The following CCSER1 variants were observed in gnomAD, a reference collection of about 807,000 sequenced individuals.
CCSER1 encodes the protein serine-rich coiled-coil domain-containing protein 1.
CCSER1 carries 41 observed loss-of-function variants against 82.0 expected under a neutral mutation model. That is an observed-to-expected ratio of 0.50 (90% confidence interval 0.39 to 0.65). The LOEUF (loss-of-function observed/expected upper bound fraction) is 0.65. Among genes scored for constraint, CCSER1 ranks in the 30% least tolerant of loss-of-function variants. The pLI is 0.00. For missense variants in CCSER1, 1,119 were observed against 1,064.2 expected, an observed-to-expected ratio of 1.05 and a Z score of -0.72; for synonymous variants, 414 against 383.9, an observed-to-expected ratio of 1.08 and a Z score of -0.92.
At chr4:90,302,702 C>A (rs2153474805) in intron 1 of CCSER1, among the ~76,000 whole-genome samples, 1 of 152,180 alleles carries the variant, frequency 6.6e-6, no homozygotes, top group East Asian at 1.9e-4. Context: ...ACTTGGGAGG[C>A]TGAGGTAGAA....
intron 8 of CCSER1, among the ~76,000 whole-genome samples, chr4:90,913,807 C>T (rs529023145): frequency 8.3e-6 from 1 of 120,408 alleles, no homozygotes; most frequent in Admixed American, 7.9e-5. Context: ...AGCTACCAAG[C>T]AAATGGAAAA....
chr4:91,488,640 C>T (rs1758347224), intron 10 of CCSER1, among the ~76,000 whole-genome samples: 1 of 152,194 alleles, frequency 6.6e-6, no homozygotes, highest in South Asian at 2.1e-4. Context: ...TCCTCCTGCT[C>T]CAGCCATGCA....
At chr4:91,261,234 T>C (rs1741107932) in intron 10 of CCSER1, among the ~76,000 whole-genome samples, 1 of 152,194 alleles carries the variant, frequency 6.6e-6, no homozygotes, top group Non-Finnish European at 1.5e-5. Flanking sequence ...TCCTTACCAT[T>C]AGTGCTTGTA....
chr4:91,223,112 T>A (rs1441523738), intron 10 of CCSER1, among the ~76,000 whole-genome samples: 1 of 152,098 alleles, frequency 6.6e-6, no homozygotes, highest in Non-Finnish European at 1.5e-5. Context: ...ATTCAAATTA[T>A]GCCTTCAGTC....
chr4:90,723,287 A>T (rs1400235869), intron 6 of CCSER1, among the ~76,000 whole-genome samples: 1 of 152,012 alleles, frequency 6.6e-6, no homozygotes, highest in Non-Finnish European at 1.5e-5. Context: ...TTTTTAAAAG[A>T]CTAGATAAAC....
At chr4:90,814,906 G>T (rs1208250832) in intron 7 of CCSER1, among the ~76,000 whole-genome samples, 1 of 152,100 alleles carries the variant, frequency 6.6e-6, no homozygotes, top group East Asian at 1.9e-4. Context: ...CCTCCAAACT[G>T]TTCCAACCTC....
At chr4:90,448,836 G>A (rs934498611) in intron 4 of CCSER1, among the ~76,000 whole-genome samples, 6 of 152,110 alleles carry the variant, frequency 3.9e-5, no homozygotes, top group East Asian at 1.9e-4. Flanking sequence ...CAAGGTGAGC[G>A]GAGGGACGTG....
chr4:90,915,084 G>C (rs545017366), intron 8 of CCSER1, among the ~76,000 whole-genome samples: 1 of 152,060 alleles, frequency 6.6e-6, no homozygotes, highest in Non-Finnish European at 1.5e-5. Flanking sequence ...TCTACCAGAG[G>C]TACAAGGAGG....
chr4:91,268,313 G>A (rs1219850100), intron 10 of CCSER1, among the ~76,000 whole-genome samples: 1 of 152,124 alleles, frequency 6.6e-6, no homozygotes, highest in Non-Finnish European at 1.5e-5. Context: ...GCATTATTGG[G>A]GGGATGTGAG....
chr4:90,691,229 A>G (rs971011515), intron 6 of CCSER1, among the ~76,000 whole-genome samples: 3 of 152,098 alleles, frequency 2.0e-5, no homozygotes, highest in Non-Finnish European at 4.4e-5. Context: ...GGGTTTATAC[A>G]TACAAACATA....
chr4:90,808,311 G>A (rs7678915), intron 7 of CCSER1, among the ~76,000 whole-genome samples: 29,328 of 151,950 alleles, frequency 0.19, 3,062 homozygotes, highest in East Asian at 0.3. Flanking sequence ...TAAGAGAAAC[G>A]ATTCTGGACA....
intron 7 of CCSER1, among the ~76,000 whole-genome samples, chr4:90,747,200 G>A (rs1444684159): frequency 6.6e-6 from 1 of 152,054 alleles, no homozygotes; most frequent in Non-Finnish European, 1.5e-5. Flanking sequence ...ATCCTAACAA[G>A]GTTATGCATT....
chr4:90,317,809 T>A (rs998429577), intron 3 of CCSER1, among the ~76,000 whole-genome samples: 3 of 152,170 alleles, frequency 2.0e-5, no homozygotes, highest in Non-Finnish European at 4.4e-5. Flanking sequence ...CCTTTTACCA[T>A]GGCAAAAAGA....
intron 5 of CCSER1, among the ~76,000 whole-genome samples, chr4:90,527,973 A>G (rs1260584143): frequency 6.6e-6 from 1 of 152,166 alleles, no homozygotes; most frequent in Non-Finnish European, 1.5e-5. Context: ...AGGGGAAATT[A>G]TGATGATTTA....
At chr4:91,056,561 C>G (rs1055161240) in intron 9 of CCSER1, among the ~76,000 whole-genome samples, 1 of 152,028 alleles carries the variant, frequency 6.6e-6, no homozygotes, top group Non-Finnish European at 1.5e-5. Context: ...TAAACACCTC[C>G]TAGAAGGCCC....
intron 3 of CCSER1, among the ~76,000 whole-genome samples, chr4:90,365,429 C>G (rs915538787): frequency 1.3e-5 from 2 of 151,694 alleles, no homozygotes; most frequent in South Asian, 4.1e-4. Flanking sequence ...ATTTCCTTCT[C>G]AATTTCTACT....
intron 9 of CCSER1, among the ~76,000 whole-genome samples, chr4:91,047,683 G>T (rs1742633354): frequency 6.6e-6 from 1 of 152,046 alleles, no homozygotes; most frequent in Admixed American, 6.6e-5. Flanking sequence ...TGACATTATG[G>T]GTGAGATTTC....
intron 1 of CCSER1, among the ~76,000 whole-genome samples, chr4:90,223,528 A>G (rs1193653446): frequency 6.6e-6 from 1 of 152,218 alleles, no homozygotes; most frequent in Non-Finnish European, 1.5e-5. Flanking sequence ...ATTCATGTGG[A>G]CATTGATCAT....
intron 10 of CCSER1, among the ~76,000 whole-genome samples, chr4:91,394,807 G>T (rs151168307): frequency 4.6e-5 from 7 of 151,278 alleles, no homozygotes; most frequent in South Asian, 2.1e-4. Context: ...GTATTGCTAT[G>T]CTACTTTAAA....
Sources: allele counts gnomAD v4.1 joint callset (sites outside exome capture counted in the v4.1 genomes callset), GRCh38; gene constraint gnomAD v4.1.1; transcripts MANE v1.5; gene names NCBI Gene and HGNC (gene_info 2026-07-23, HGNC 2026-07-21).